Variants in SRP68 observed in about 807,000 individuals in gnomAD.
SRP68 encodes the protein signal recognition particle 68.
Under a neutral mutation model 82.2 loss-of-function variants are expected in SRP68, and 15 were observed. That is an observed-to-expected ratio of 0.18 (90% confidence interval 0.12 to 0.28). SRP68 has a LOEUF of 0.28. Among genes scored for constraint, SRP68 ranks in the 10% least tolerant of loss-of-function variants. The pLI is 1.00. For synonymous variants in SRP68, 261 were observed against 292.6 expected, an observed-to-expected ratio of 0.89 and a Z score of 1.10; for missense variants, 595 against 780.5, an observed-to-expected ratio of 0.76 and a Z score of 2.83.
At chr17:76,069,655 C>G (rs964465555) in intron 2 of SRP68, among the ~76,000 whole-genome samples, 1 of 151,386 alleles carries the variant, frequency 6.6e-6, no homozygotes, top group Non-Finnish European at 1.5e-5. Context: ...TGCAGTGAGC[C>G]GAGATCGCGC....
At position 76,054,057 on chromosome 17, in the gene SRP68, C is replaced by T. The variant is rs997669386; in HGVS notation, c.978+3346G>A. On this transcript the variant is annotated intron_variant, in intron 8 of 15. Coordinates refer to ENST00000307877, the MANE Select transcript of SRP68 (RefSeq NM_014230.4). ...GCCTATGACAGTGAGAAATCTTAAG[C>T]CCAGAAGTAATATGTTACTGATTAG... Among the ~76,000 whole-genome samples the T allele has an allele frequency of 2.0e-5, 3 of 152,272 alleles. No homozygotes were observed. In the East Asian group the frequency reaches 5.8e-4, roughly 29 times the overall value.
chr17:76,062,487 T>G lies in SRP68; in HGVS notation c.562-913A>C, dbSNP rs571249350. On this transcript the variant is annotated intron_variant, in intron 4 of 15. Transcript: ENST00000307877. ...AAAACCCAAACAAAGAATATGGAGA[T>G]ATATATATATAATATATATATAATA... Among the ~76,000 whole-genome samples the G allele has an allele frequency of 2.7e-3, 300 of 110,466 alleles. 2 individuals carry two copies. The highest frequency in any genetic ancestry group is 8.3e-3 in the African/African-American group (223 of 26,926). 72.5% of individuals were successfully genotyped at this position (110,466 alleles called of 152,430 possible).
chr17:76,059,522 T>C (rs1010585603), intron 7 of SRP68, among the ~76,000 whole-genome samples: 1 of 151,996 alleles, frequency 6.6e-6, no homozygotes, highest in African/African-American at 2.4e-5. Context: ...AGCCTGGCGA[T>C]AGAGCAAGAC....
At chr17:76,048,036 G>T in intron 9 of SRP68, 66 bp from the exon 10 acceptor site, 1 of 1,083,600 alleles carries the variant, frequency 9.2e-7, no homozygotes, top group Non-Finnish European at 1.3e-6. Context: ...ACCACCTCAT[G>T]GAATGGTGGG....
chr17:76,044,097 T>C (rs2066612105), intron 12 of SRP68, 139 bp from the exon 13 acceptor site: 3 of 938,650 alleles, frequency 3.2e-6, no homozygotes, highest in Non-Finnish European at 3.0e-6. Flanking sequence ...GCCCCCTTCA[T>C]GGGAAGTGTT....
At chr17:76,058,330 A>G (rs995373990) in intron 7 of SRP68, among the ~76,000 whole-genome samples, 1 of 151,908 alleles carries the variant, frequency 6.6e-6, no homozygotes, top group Non-Finnish European at 1.5e-5. Context: ...CGTGTTGGTC[A>G]GACTGGTCTC....
intron 12 of SRP68, among the ~76,000 whole-genome samples, chr17:76,044,190 A>G (rs1215359662): frequency 6.6e-6 from 1 of 152,116 alleles, no homozygotes; most frequent in Non-Finnish European, 1.5e-5. Flanking sequence ...ACGGTTTTTT[A>G]CTGACTGGCT....
At chr17:76,067,150 A>T in intron 3 of SRP68, 67 bp downstream of exon 3, 1 of 1,191,866 alleles carries the variant, frequency 8.4e-7, no homozygotes, top group Non-Finnish European at 1.3e-6. Flanking sequence ...CATGAAGTCT[A>T]CCACGTCATT....
intron 3 of SRP68, among the ~76,000 whole-genome samples, 176 bp from the exon 4 acceptor site, chr17:76,064,347 C>T (rs983046807): frequency 1.3e-5 from 2 of 152,178 alleles, no homozygotes; most frequent in Non-Finnish European, 2.9e-5. Flanking sequence ...CTATTCCTAA[C>T]CTGGGCTCAA....
intron 8 of SRP68, among the ~76,000 whole-genome samples, chr17:76,055,850 C>T (rs1410919112): frequency 1.4e-5 from 2 of 145,580 alleles, no homozygotes; most frequent in Non-Finnish European, 3.0e-5. Context: ...CACAGTTACC[C>T]AGGCTGCAGC....
At chr17:76,057,056 C>T (rs545866143) in intron 8 of SRP68, among the ~76,000 whole-genome samples, 25 of 152,190 alleles carry the variant, frequency 1.6e-4, no homozygotes, top group African/African-American at 3.6e-4. Flanking sequence ...TAGGAGGTTA[C>T]GACAACATGT....
chr17:76,042,935 A>C (rs1430941670), intron 13 of SRP68, among the ~76,000 whole-genome samples: 2 of 152,134 alleles, frequency 1.3e-5, no homozygotes, highest in Admixed American at 1.3e-4. Flanking sequence ...CAGACCCCCA[A>C]ATGGCCTGGG....
chr17:76,052,763 C>T (rs2066683452), intron 8 of SRP68, among the ~76,000 whole-genome samples: 1 of 147,938 alleles, frequency 6.8e-6, no homozygotes, highest in Non-Finnish European at 1.5e-5. Context: ...GAGATCGCGC[C>T]ACTGCACTCC....
Position 76,061,608 on chromosome 17 carries a change from A to G in SRP68, c.562-34T>C, listed in dbSNP as rs1300666476. 4 of 1,560,172 alleles carry G rather than the reference A, an allele frequency of 2.6e-6. No individual in the cohort carries two copies. In the East Asian group the frequency reaches 6.7e-5, roughly 26 times the overall value. ...AGATGGAAGAGGAGGAACTGCTTCAACAGCAAACCAGTGCTCCCACTCAAT... is the reference window on the plus strand; with the variant it reads ...AGATGGAAGAGGAGGAACTGCTTCAGCAGCAAACCAGTGCTCCCACTCAAT... On this transcript the variant is annotated intron_variant, in intron 4 of 15. Coordinates refer to ENST00000307877, the MANE Select transcript of SRP68 (RefSeq NM_014230.4).
intron 3 of SRP68, 73 bp from the exon 4 acceptor site, chr17:76,064,244 T>G (rs1272270367): frequency 7.4e-7 from 1 of 1,343,210 alleles, no homozygotes; most frequent in Non-Finnish European, 1.0e-6. Flanking sequence ...GGTGTAATCT[T>G]CGGCTTCTCG....
intron 15 of SRP68, 106 bp downstream of exon 15, chr17:76,040,313 G>C: frequency 9.1e-7 from 1 of 1,099,952 alleles, no homozygotes; most frequent in Admixed American, 1.8e-5. Context: ...AGGGAGGTGG[G>C]GGGTTTCCTT....
Position 76,072,015 on chromosome 17 carries a change from T to C in SRP68, c.184+293A>G, listed in dbSNP as rs566844502. The stretch of plus-strand genomic sequence containing the variant: ...CAAAGCAAGGTGCTCAAGGTGTCAC[T>C]TGGTCACAAGCCCTCCAACTGGACA... On this transcript the variant is annotated intron_variant, in intron 1 of 15. Coordinates refer to ENST00000307877, the MANE Select transcript of SRP68 (RefSeq NM_014230.4). This position sits in a 1 kb window ranked among gnomAD's most constrained non-coding sequence, Gnocchi z 4.5. 1.7e-3 allele frequency: 897 copies of C among 524,874 alleles called. 1 individual carries two copies. The highest frequency in any genetic ancestry group is 2.6e-3 in the Admixed American group (68 of 25,854). 32.5% of individuals were successfully genotyped at this position (524,874 alleles called of 1,614,324 possible).
At chr17:76,060,100 T>G (rs2066740750) in intron 7 of SRP68, among the ~76,000 whole-genome samples, 1 of 106,060 alleles carries the variant, frequency 9.4e-6, no homozygotes, top group Non-Finnish European at 1.7e-5. Context: ...CACTCCAGCC[T>G]GGGTGACAGA....
intron 6 of SRP68, 119 bp from the exon 7 acceptor site, chr17:76,060,509 G>T: frequency 1.5e-6 from 1 of 666,944 alleles, no homozygotes. Context: ...TGAATCTGCA[G>T]CACAATCTGT....
Sources: allele counts gnomAD v4.1 joint callset (sites outside exome capture counted in the v4.1 genomes callset), GRCh38; gene constraint gnomAD v4.1.1; non-coding constraint Gnocchi (gnomAD v3.1); transcripts MANE v1.5; gene names NCBI Gene and HGNC (gene_info 2026-07-23, HGNC 2026-07-21).